The following FOXP4 variants were observed in gnomAD, a reference collection of about 807,000 sequenced individuals.
FOXP4 encodes the protein forkhead box protein P4.
In FOXP4, 25 loss-of-function variants were observed where a neutral mutation model predicts 82.6. That is an observed-to-expected ratio of 0.30 (90% confidence interval 0.22 to 0.42). The LOEUF (loss-of-function observed/expected upper bound fraction) is 0.42. Among genes scored for constraint, FOXP4 ranks in the 10% least tolerant of loss-of-function variants. The pLI is 1.00. For synonymous variants in FOXP4, 415 were observed against 388.2 expected, an observed-to-expected ratio of 1.07 and a Z score of -0.81; for missense variants, 785 against 900.9, an observed-to-expected ratio of 0.87 and a Z score of 1.65.
chr6:41,587,638 A>G (rs1581773356), intron 7 of FOXP4, 126 bp downstream of exon 7: 1 of 888,276 alleles, frequency 1.1e-6, no homozygotes, highest in African/African-American at 1.8e-5. Flanking sequence ...CTCCCTCTCC[A>G]CTCCCTCTCC....
chr6:41,589,446 C>T (rs755113569), intron 9 of FOXP4, among the ~76,000 whole-genome samples: 4 of 152,238 alleles, frequency 2.6e-5, no homozygotes, highest in Non-Finnish European at 4.4e-5. Context: ...GGCACAGTGG[C>T]CGCCCCCCCG....
chr6:41,583,594 A>G (rs1231035545), intron 3 of FOXP4, among the ~76,000 whole-genome samples: 3 of 152,194 alleles, frequency 2.0e-5, no homozygotes, highest in East Asian at 1.9e-4. Flanking sequence ...TGTACCTACC[A>G]TGTGCCAGGC....
intron 3 of FOXP4, among the ~76,000 whole-genome samples, chr6:41,580,090 G>A (rs537121832): frequency 6.9e-6 from 1 of 144,280 alleles, no homozygotes; most frequent in South Asian, 2.2e-4. Flanking sequence ...TGCCCAGGCT[G>A]GAGTGCAATG....
chr6:41,578,636 C>A (rs927883261), intron 3 of FOXP4, among the ~76,000 whole-genome samples: 1 of 150,696 alleles, frequency 6.6e-6, no homozygotes, highest in Admixed American at 6.6e-5. Context: ...GCACAATCTG[C>A]CCTTTTTTCC....
chr6:41,597,344 G>T, intron 15 of FOXP4, 102 bp downstream of exon 15: 1 of 1,291,136 alleles, frequency 7.7e-7, no homozygotes. Flanking sequence ...ACCAGAGGAG[G>T]GAAGGAGGGT....
chr6:41,591,286 G>A lies in FOXP4; in HGVS notation c.1500G>A (p.Met500Ile), dbSNP rs1246512118. The A allele has an allele frequency of 1.2e-6, 2 of 1,608,426 alleles. No homozygotes were observed. The highest frequency in any genetic ancestry group is 1.7e-5 in the Admixed American group (1 of 59,336). Residue 500 changes from methionine (M) to isoleucine (I), a missense_variant, in exon 13 of 17, where the codon ATG becomes ATA. This residue lies in a region of FOXP4 where 31 missense variants were observed against 79.6 expected (regional missense o/e 0.39). Transcript: ENST00000307972. This position sits in a 1 kb window ranked among gnomAD's most constrained non-coding sequence, Gnocchi z 4.2. Reference sequence around the variant, plus strand: ...AGATCTATAACTGGTTCACCAGGATGTTCGCCTATTTCCGCAGAAACACTG... The same window carrying A: ...AGATCTATAACTGGTTCACCAGGATATTCGCCTATTTCCGCAGAAACACTG... ...LNEIYNWFTR[M>I]FAYFRRNTAT...
chr6:41,580,252 G>A (rs1404992284), intron 3 of FOXP4, among the ~76,000 whole-genome samples: 1 of 152,084 alleles, frequency 6.6e-6, no homozygotes, highest in Non-Finnish European at 1.5e-5. Flanking sequence ...GGTTTTAGTA[G>A]CGTTGTGTTT....
At chr6:41,571,599 T>C (rs1765202547) in intron 2 of FOXP4, among the ~76,000 whole-genome samples, 1 of 152,238 alleles carries the variant, frequency 6.6e-6, no homozygotes, top group Non-Finnish European at 1.5e-5. Flanking sequence ...TTCATTTTAA[T>C]GGTTCTAATT....
intron 1 of FOXP4, among the ~76,000 whole-genome samples, chr6:41,549,310 C>T (rs1366635389): frequency 6.6e-6 from 1 of 152,102 alleles, no homozygotes; most frequent in Non-Finnish European, 1.5e-5. Flanking sequence ...AGACCTGACC[C>T]CAGTGCTGGA....
chr6:41,576,898 G>A (rs1391112228), intron 2 of FOXP4, among the ~76,000 whole-genome samples: 1 of 152,168 alleles, frequency 6.6e-6, no homozygotes, highest in Non-Finnish European at 1.5e-5. Flanking sequence ...TGGCTCCCAA[G>A]GGGGTCTTGA....
intron 3 of FOXP4, among the ~76,000 whole-genome samples, chr6:41,579,701 G>T (rs1189186707): frequency 6.6e-6 from 1 of 152,224 alleles, no homozygotes; most frequent in Non-Finnish European, 1.5e-5. Context: ...AGGTTTCAGA[G>T]TCAGAAAGAC....
At chr6:41,589,923 C>T in intron 10 of FOXP4, 40 bp from the exon 11 acceptor site, 3 of 1,611,144 alleles carry the variant, frequency 1.9e-6, no homozygotes, top group Non-Finnish European at 2.5e-6. Context: ...GGACCCCCAC[C>T]CTCGGGCACT....
Position 41,558,440 on chromosome 6 carries a change from A to G in FOXP4, c.-16-7305A>G, listed in dbSNP as rs1764398942. On this transcript the variant is annotated intron_variant, in intron 1 of 16. Transcript: ENST00000307972. This position sits in a 1 kb window ranked among gnomAD's most constrained non-coding sequence, Gnocchi z 4.0. ...TAGCAAGACTTTCTGGACTCCTGTA[A>G]TTATAGTCACTACCCTTCTCTAAAC... Among the ~76,000 whole-genome samples the G allele has an allele frequency of 2.0e-5, 3 of 152,178 alleles. No individual in the cohort carries two copies. The South Asian group carries it at 6.2e-4, about 32-fold the overall frequency.
rs771328218 is a variant in FOXP4, at chr6:41,590,010, T to C, written c.1197T>C (p.Ser399=). 3 of 1,613,992 alleles carry C rather than the reference T, an allele frequency of 1.9e-6. No homozygotes were observed. In the South Asian group the frequency reaches 3.3e-5, roughly 18 times the overall value. The part of the protein sequence containing the change: ...GSSSFSKVTV[S]AADSFPDGLV... ...CCTCATTCTCCAAGGTGACCGTCTC[T>C]GCAGCAGACTCATTCCCAGATGGTC... The change falls in exon 11 of 17, where the codon TCT becomes TCC. Residue 399 remains serine, a synonymous_variant. Transcript: ENST00000307972.
chr6:41,601,445 C>G lies in FOXP4; in HGVS notation c.*2509C>G, dbSNP rs1043679859. 6.6e-6 allele frequency: 1 copy of G among 152,334 alleles called. No homozygotes were observed. The highest frequency in any genetic ancestry group is 2.4e-5 in the African/African-American group (1 of 41,434). The allele number at this position is 152,334 out of a possible 1,614,324, so 9.4% of individuals were successfully genotyped here. On this transcript the variant is annotated 3_prime_UTR_variant, in exon 17 of 17. Coordinates refer to ENST00000307972, the MANE Select transcript of FOXP4 (RefSeq NM_001012426.2). Reference sequence around the variant, plus strand: ...CCGCCTCAGACCCCTGTGCACATCCCCAGGGCCTCAGCCGTCTCATTGGTC... The same window carrying G: ...CCGCCTCAGACCCCTGTGCACATCCGCAGGGCCTCAGCCGTCTCATTGGTC...
intron 1 of FOXP4, among the ~76,000 whole-genome samples, chr6:41,561,373 G>C (rs1764570416): frequency 6.6e-6 from 1 of 152,158 alleles, no homozygotes; most frequent in Admixed American, 6.5e-5. Flanking sequence ...AGTCTGGGGT[G>C]GGGGATAAGA....
At chr6:41,564,342 C>T (rs1189351779) in intron 1 of FOXP4, among the ~76,000 whole-genome samples, 1 of 152,160 alleles carries the variant, frequency 6.6e-6, no homozygotes, top group African/African-American at 2.4e-5. Context: ...TTGCTTGAAC[C>T]CGGGAGACGG....
chr6:41,550,380 T>G (rs895576050), intron 1 of FOXP4, among the ~76,000 whole-genome samples: 6 of 152,232 alleles, frequency 3.9e-5, no homozygotes, highest in African/African-American at 7.2e-5. Flanking sequence ...GGATGGCGTT[T>G]ATTATTAATT....
chr6:41,566,846 C>T (rs967334200), intron 2 of FOXP4, among the ~76,000 whole-genome samples: 1 of 152,132 alleles, frequency 6.6e-6, no homozygotes, highest in Admixed American at 6.5e-5. Context: ...AGAAGCAGGG[C>T]TCTGTGTGTA....
Sources: allele counts gnomAD v4.1 joint callset (sites outside exome capture counted in the v4.1 genomes callset), GRCh38; gene constraint gnomAD v4.1.1; regional missense constraint gnomAD v4.1.1; non-coding constraint Gnocchi (gnomAD v3.1); transcripts MANE v1.5; gene names NCBI Gene and HGNC (gene_info 2026-07-23, HGNC 2026-07-21).